LACTBL1: variants seen among roughly 807,000 people sequenced by gnomAD.
The protein encoded by LACTBL1 is beta-lactamase-like protein 1.
LACTBL1 carries 29 observed loss-of-function variants against 39.6 expected under a neutral mutation model. That is an observed-to-expected ratio of 0.73 (90% CI 0.55 to 1.00). The LOEUF (loss-of-function observed/expected upper bound fraction) is 1.00. LACTBL1 is among the 50% of genes least tolerant of loss of function. LACTBL1 has a pLI of 0.00. For missense variants in LACTBL1, 711 were observed against 748.5 expected (o/e 0.95, Z 0.59); for synonymous variants, 361 against 360.7 (o/e 1.00, Z -0.01).
chr1:22,959,008 G>T, intron 3 of LACTBL1, 88 bp from the exon 6 acceptor site: 1 of 831,658 alleles, frequency 1.2e-6, no homozygotes, highest in Non-Finnish European at 1.9e-6. Context: ...ACTTTTTAGT[G>T]TTCTAGAAAA....
intron 3 of LACTBL1, among the ~76,000 whole-genome samples, chr1:22,959,691 T>G (rs1367921684): frequency 6.6e-6 from 1 of 152,232 alleles, no homozygotes; most frequent in Non-Finnish European, 1.5e-5. Flanking sequence ...TTGGGAGGTT[T>G]AGGGCTAAGG....
chr1:22,966,675 C>T (rs1479296548), upstream of LACTBL1, among the ~76,000 whole-genome samples: 1 of 152,234 alleles, frequency 6.6e-6, no homozygotes, highest in Non-Finnish European at 1.5e-5. Context: ...TCTCTCCCCT[C>T]TACTTCAGAC....
At chr1:22,962,641 A>G (rs990003812) in intron 2 of LACTBL1, among the ~76,000 whole-genome samples, 23 of 152,130 alleles carry the variant, frequency 1.5e-4, no homozygotes, top group East Asian at 1.9e-4. Flanking sequence ...TGTATGTGTC[A>G]TATACTTTCT....
At chr1:22,971,415 C>T in the LACTBL1 span, among the ~76,000 whole-genome samples, 1 of 152,164 alleles carries the variant, frequency 6.6e-6, no homozygotes, top group Non-Finnish European at 1.5e-5. Context: ...AATCTCTTTC[C>T]TTTCCCTTCC....
At chr1:22,953,752 G>C in exon 6 of LACTBL1, 1 of 1,412,560 alleles carries the variant, frequency 7.1e-7, no homozygotes, top group Non-Finnish European at 9.2e-7. Flanking sequence ...GCCCAGGAGC[G>C]CCACGGCCAG....
chr1:22,958,313 G>A (rs985401143), intron 4 of LACTBL1, among the ~76,000 whole-genome samples: 5 of 152,092 alleles, frequency 3.3e-5, no homozygotes, highest in African/African-American at 1.2e-4. Context: ...TAGAATTACT[G>A]GGCTCGAGTG....
chr1:22,971,349 TTAATCTC>T, the LACTBL1 span, among the ~76,000 whole-genome samples: 1 of 152,188 alleles, frequency 6.6e-6, no homozygotes, highest in Non-Finnish European at 1.5e-5. Context: ...GGGTCAGTAT[TTAATCTC>T]TAAGCTGCTT....
chr1:22,962,714 G>A (rs1640837918), intron 2 of LACTBL1, among the ~76,000 whole-genome samples: 1 of 151,874 alleles, frequency 6.6e-6, no homozygotes, highest in Non-Finnish European at 1.5e-5. Flanking sequence ...CCATCCCCAG[G>A]GTCCCTCACC....
upstream of LACTBL1, among the ~76,000 whole-genome samples, chr1:22,966,671 C>G (rs1038788912): frequency 1.3e-5 from 2 of 152,226 alleles, no homozygotes; most frequent in Non-Finnish European, 2.9e-5. Flanking sequence ...CAGCTCTCTC[C>G]CCTCTACTTC....
At chr1:22,957,342 A>G (rs1380792787) in intron 4 of LACTBL1, among the ~76,000 whole-genome samples, 1 of 152,228 alleles carries the variant, frequency 6.6e-6, no homozygotes, top group Non-Finnish European at 1.5e-5. Context: ...TACATCCCCC[A>G]TGCCAGACAT....
intron 1 of LACTBL1, among the ~76,000 whole-genome samples, chr1:22,964,937 A>T (rs1266324380): frequency 6.6e-6 from 1 of 152,134 alleles, no homozygotes; most frequent in Non-Finnish European, 1.5e-5. Flanking sequence ...GAAGGTCTTG[A>T]AAGGGGGCTG....
chr1:22,957,070 T>C (rs1640768796), intron 4 of LACTBL1, among the ~76,000 whole-genome samples: 2 of 152,206 alleles, frequency 1.3e-5, no homozygotes, highest in South Asian at 4.1e-4. Context: ...TATACACATA[T>C]CCATTATATA....
chr1:22,956,252 G>A (rs921025881), intron 4 of LACTBL1, among the ~76,000 whole-genome samples: 1 of 151,784 alleles, frequency 6.6e-6, no homozygotes, highest in Non-Finnish European at 1.5e-5. Context: ...CGTGCCTATA[G>A]TCCTAGCTTC....
intron 4 of LACTBL1, among the ~76,000 whole-genome samples, chr1:22,958,052 G>A (rs944215569): frequency 8.5e-5 from 13 of 152,070 alleles, no homozygotes; most frequent in Non-Finnish European, 1.6e-4. Flanking sequence ...ATTTGTAGGT[G>A]ACTTTTATAT....
In LACTBL1 at chr1:22,953,212, C is replaced by A. The variant is rs1570496573; in HGVS notation, c.1472G>T (p.Cys491Phe). ...CCACGCGTCGCCGAGTGGCAGTGCGCAGGGGAACTCGTGGGCCACGTGCAG... is the reference window on the plus strand; with the variant it reads ...CCACGCGTCGCCGAGTGGCAGTGCGAAGGGGAACTCGTGGGCCACGTGCAG... The change falls in exon 6 of 6, where the codon TGC becomes TTC. Residue 491 changes from cysteine to phenylalanine, a missense_variant. Physicochemically the swap from Cys to Phe is radical, Grantham distance 205. Coordinates refer to ENST00000426928, the Ensembl canonical transcript of LACTBL1. 7 of 1,232,160 alleles carry A rather than the reference C, an allele frequency of 5.7e-6. No individual in the cohort carries two copies. The East Asian group carries it at 2.2e-4, about 39-fold the overall frequency. The allele number at this position is 1,232,160 out of a possible 1,614,324, so 76.3% of individuals were successfully genotyped here. A position where few individuals can be genotyped will look rare whatever the true frequency, so the allele number is the denominator to read the frequency against.
upstream of LACTBL1, among the ~76,000 whole-genome samples, chr1:22,966,430 C>T (rs539422974): frequency 6.6e-6 from 1 of 152,354 alleles, no homozygotes; most frequent in Admixed American, 6.5e-5. Flanking sequence ...GTATTTCTCC[C>T]CCTTCCCTCC....
At chr1:22,958,803 G>C in exon 4 of LACTBL1, 1 of 1,550,708 alleles carries the variant, frequency 6.4e-7, no homozygotes, top group Non-Finnish European at 8.7e-7. Flanking sequence ...CCAGCGGGTT[G>C]TTAATGGTGA....
chr1:22,967,559 C>CATAT (rs1449861121), upstream of LACTBL1, among the ~76,000 whole-genome samples: 3 of 140,488 alleles, frequency 2.1e-5, no homozygotes, highest in African/African-American at 8.6e-5. Flanking sequence ...TCTCTCTCTC[C>CATAT]ATATATATAC....
At chr1:22,969,494 A>G (rs925202681), upstream of LACTBL1, among the ~76,000 whole-genome samples, 3 of 152,014 alleles carry the variant, frequency 2.0e-5, no homozygotes, top group East Asian at 3.9e-4. Flanking sequence ...CACAACAAAG[A>G]TCTCTCACAT....
Sources: gnomAD v4.1 joint callset for allele counts (sites outside exome capture counted in the v4.1 genomes callset) on GRCh38, gnomAD v4.1.1 for gene constraint, MANE v1.5 for transcripts, NCBI Gene and HGNC (gene_info 2026-07-23, HGNC 2026-07-21) for gene names.